The following KCNJ10 variants were observed in gnomAD, a reference collection of about 807,000 sequenced individuals.
The protein encoded by KCNJ10 is ATP-sensitive inward rectifier potassium channel 10.
In KCNJ10, 9 loss-of-function variants were observed where a neutral mutation model predicts 22.2. The ratio of observed to expected loss-of-function variants is 0.40; its 90% CI spans 0.24 to 0.71. KCNJ10 has a LOEUF of 0.71. Ranked by LOEUF, KCNJ10 falls within the 30% of genes least tolerant of loss-of-function variation. The pLI is 0.35. For missense variants in KCNJ10, 337 were observed against 482.7 expected, an observed-to-expected ratio of 0.70 and a Z score of 2.83; for synonymous variants, 184 against 187.3, an observed-to-expected ratio of 0.98 and a Z score of 0.15.
In KCNJ10 at chr1:160,041,012, CA is replaced by C; in HGVS notation, c.*380del. 2.9e-6 allele frequency: 1 copy of C among 341,514 alleles called. No homozygotes were observed. Among genetic ancestry groups the C allele is most frequent in the South Asian group, 4.2e-5 (1 of 23,790 alleles). The allele number at this position is 341,514 out of a possible 1,614,324, so 21.2% of individuals were successfully genotyped here. A position where few individuals can be genotyped will look rare whatever the true frequency, so the allele number is the denominator to read the frequency against. ...GATGGAAAGGTAACAGAGGGAGCTC[CA>C]GCCTCAAGTCACCAAACTTCATGGT... On this transcript the variant is annotated 3_prime_UTR_variant, in exon 2 of 2. Transcript: ENST00000644903. The surrounding 1 kb of genome is among the most constrained non-coding windows in gnomAD (Gnocchi z 4.4).
intron 1 of KCNJ10, among the ~76,000 whole-genome samples, chr1:160,049,644 C>T (rs1648828313): frequency 8.1e-6 from 1 of 123,506 alleles, no homozygotes; most frequent in Admixed American, 9.9e-5. Context: ...CAAATAAGGT[C>T]ATTGAAAGAA....
Position 160,041,766 on chromosome 1 carries a change from T to C in KCNJ10, c.767A>G (p.Tyr256Cys), listed in dbSNP as rs915217510. ...SPFLILPLTFYHVVDETSPLK... is the reference protein window; with the variant it reads ...SPFLILPLTFCHVVDETSPLK... ...GGGACTGGTCTCATCTACCACATGA[T>C]AGAAGGTAAGGGGTAGAATAAGGAA... The change falls in exon 2 of 2, where the codon TAT (tyrosine) becomes TGT (cysteine). Residue 256 changes from tyrosine to cysteine, a missense_variant. Coordinates refer to ENST00000644903, the MANE Select transcript of KCNJ10 (RefSeq NM_002241.5). The surrounding 1 kb of genome is among the most constrained non-coding windows in gnomAD (Gnocchi z 4.4). 6.8e-6 allele frequency: 11 copies of C among 1,613,958 alleles called. No homozygotes were observed. Among genetic ancestry groups the C allele is most frequent in the Non-Finnish European group, 8.5e-6 (10 of 1,179,996 alleles).
chr1:160,041,593 C>T lies in KCNJ10; in HGVS notation c.940G>A (p.Ala314Thr), dbSNP rs1332028814. 1.2e-5 allele frequency: 19 copies of T among 1,614,194 alleles called. No individual in the cohort carries two copies. Among genetic ancestry groups the T allele is most frequent in the Non-Finnish European group, 1.6e-5 (19 of 1,180,030 alleles). ...EILWGYEFTPAISLSASGKYI... is the reference protein window; with the variant it reads ...EILWGYEFTPTISLSASGKYI... ...TTACCACTGGCTGACAGTGAGATGG[C>T]AGGTGTGAACTCGTAGCCCCAAAGG... Residue 314 changes from alanine (A) to threonine (T), a missense_variant, in exon 2 of 2, where the codon GCC becomes ACC. Around this residue, in one of 3 missense-constraint regions of KCNJ10, gnomAD observed 165 missense variants for 281.5 expected, o/e 0.59. Transcript: ENST00000644903. The surrounding 1 kb of genome is among the most constrained non-coding windows in gnomAD (Gnocchi z 4.4).
rs1240138840 is a variant in KCNJ10, at chr1:160,041,540, G to A, written c.993C>T (p.Asp331=). The change falls in exon 2 of 2, where the codon GAC becomes GAT. Residue 331 remains aspartate, a synonymous_variant. Coordinates refer to ENST00000644903, the MANE Select transcript of KCNJ10 (RefSeq NM_002241.5). This position sits in a 1 kb window ranked among gnomAD's most constrained non-coding sequence, Gnocchi z 4.4. ...TAGGAGAGGCCACTTTCACAACTTG[G>A]TCAAAAAGGCTAAAGTCAGCTATGT... ...GKYIADFSLF[D]QVVKVASPSG... 7.4e-6 allele frequency: 12 copies of A among 1,614,128 alleles called. No homozygotes were observed. Among genetic ancestry groups the A allele is most frequent in the Non-Finnish European group, 8.5e-6 (10 of 1,180,026 alleles).
chr1:160,050,571 A>G (rs1229650725), intron 1 of KCNJ10, among the ~76,000 whole-genome samples: 6 of 152,210 alleles, frequency 3.9e-5, no homozygotes, highest in Admixed American at 2.0e-4. Flanking sequence ...TAAAACAGGC[A>G]GGAAGTGATA....
rs1648590548 is a variant in KCNJ10, at chr1:160,041,208, G to A, written c.*185C>T. The A allele has an allele frequency of 1.6e-6, 1 of 634,098 alleles. No homozygotes were observed. The highest frequency in any genetic ancestry group is 2.8e-6 in the Non-Finnish European group (1 of 354,900). The allele number at this position is 634,098 out of a possible 1,614,324, so 39.3% of individuals were successfully genotyped here. A position where few individuals can be genotyped will look rare whatever the true frequency, so the allele number is the denominator to read the frequency against. Reference sequence around the variant, plus strand: ...GGGGCAGAAGCTGGGGAAGTGGAAAGGGGACAGTGGGAGGCGAACCTGGAC... The same window carrying A: ...GGGGCAGAAGCTGGGGAAGTGGAAAAGGGACAGTGGGAGGCGAACCTGGAC... On this transcript the variant is annotated 3_prime_UTR_variant, in exon 2 of 2. Coordinates refer to ENST00000644903, the MANE Select transcript of KCNJ10 (RefSeq NM_002241.5). This position sits in a 1 kb window ranked among gnomAD's most constrained non-coding sequence, Gnocchi z 4.4.
At chr1:160,048,432 G>A (rs902985084) in intron 1 of KCNJ10, among the ~76,000 whole-genome samples, 6 of 152,240 alleles carry the variant, frequency 3.9e-5, no homozygotes, top group African/African-American at 1.4e-4. Context: ...GAGAGAATGA[G>A]CTTTGTAAAT....
intron 1 of KCNJ10, among the ~76,000 whole-genome samples, chr1:160,050,477 T>G (rs1276708971): frequency 6.6e-6 from 1 of 152,116 alleles, no homozygotes; most frequent in Non-Finnish European, 1.5e-5. Context: ...TGCCAAATTC[T>G]AAACAAGACA....
intron 1 of KCNJ10, among the ~76,000 whole-genome samples, chr1:160,058,271 G>A (rs964308149): frequency 6.6e-6 from 1 of 152,166 alleles, no homozygotes; most frequent in Non-Finnish European, 1.5e-5. Context: ...TGGGGGCACT[G>A]AGTCAGTTTC....
At position 160,039,257 on chromosome 1, in the gene KCNJ10, G is replaced by C. The variant is rs1201872224; in HGVS notation, c.*2136C>G. ...GTTTTCTTCTCACTGTTTCATCCAA[G>C]AGTCTAGAGGCTTGAGTCTGGGGGC... On this transcript the variant is annotated 3_prime_UTR_variant, in exon 2 of 2. Transcript: ENST00000644903. 1 of 152,548 alleles carries C rather than the reference G, an allele frequency of 6.6e-6. No homozygotes were observed. Among genetic ancestry groups the C allele is most frequent in the Non-Finnish European group, 1.5e-5 (1 of 68,044 alleles). 9.4% of individuals were successfully genotyped at this position (152,548 alleles called of 1,614,324 possible). A position where few individuals can be genotyped will look rare whatever the true frequency, so the allele number is the denominator to read the frequency against.
intron 1 of KCNJ10, among the ~76,000 whole-genome samples, chr1:160,069,038 G>A (rs567475592): frequency 6.6e-6 from 1 of 152,294 alleles, no homozygotes; most frequent in South Asian, 2.1e-4. Flanking sequence ...ATTTGTATTG[G>A]TAAGCAACAG....
Position 160,041,620 on chromosome 1 carries a change from T to C in KCNJ10, c.913A>G (p.Ile305Val). The C allele has an allele frequency of 6.2e-7, 1 of 1,613,970 alleles. No individual in the cohort carries two copies. The highest frequency in any genetic ancestry group is 8.5e-7 in the Non-Finnish European group (1 of 1,179,918). ...GGTGTGAACTCGTAGCCCCAAAGGA[T>C]CTCCTCTGGCAGGTAGGAAGTGCGC... is the stretch of plus-strand genomic sequence containing the variant. ...QVRTSYLPEE[I>V]LWGYEFTPAI... is the part of the protein sequence containing the mutation. The change falls in exon 2 of 2, where the codon ATC becomes GTC. Residue 305 changes from isoleucine (I) to valine (V), a missense_variant. Around this residue, in one of 3 missense-constraint regions of KCNJ10, gnomAD observed 165 missense variants for 281.5 expected, o/e 0.59. Coordinates refer to ENST00000644903, the MANE Select transcript of KCNJ10 (RefSeq NM_002241.5). The surrounding 1 kb of genome is among the most constrained non-coding windows in gnomAD (Gnocchi z 4.4).
intron 1 of KCNJ10, among the ~76,000 whole-genome samples, chr1:160,068,434 C>T (rs982771564): frequency 6.6e-6 from 1 of 152,116 alleles, no homozygotes; most frequent in Non-Finnish European, 1.5e-5. Context: ...GGAGGCTGGA[C>T]CAGCCCAGAT....
intron 1 of KCNJ10, among the ~76,000 whole-genome samples, chr1:160,051,852 T>C (rs1648912327): frequency 6.6e-6 from 1 of 152,052 alleles, no homozygotes; most frequent in African/African-American, 2.4e-5. Context: ...ATCCTGGCTG[T>C]CACTAAAATG....
intron 1 of KCNJ10, chr1:160,044,749 C>T (rs1648700804): frequency 6.6e-6 from 1 of 152,224 alleles, no homozygotes; most frequent in Non-Finnish European, 1.5e-5. Context: ...AGTGTGGTGG[C>T]TCATACCTGT....
At position 160,042,495 on chromosome 1, in the gene KCNJ10, G is replaced by A. The variant is rs1648635350; in HGVS notation, c.38C>T (p.Thr13Ile). ...CATTAGGGGCCGGCTTTCTGTCTGA[G>A]TGGTCTGACTGTAATACACCTTGGC... is the stretch of plus-strand genomic sequence containing the variant. Reference protein sequence around the residue: ...SVAKVYYSQTTQTESRPLMGP... With the variant: ...SVAKVYYSQTIQTESRPLMGP... The change falls in exon 2 of 2, where the codon ACT becomes ATT. Residue 13 changes from threonine to isoleucine, a missense_variant. Transcript: ENST00000644903. The A allele has an allele frequency of 6.2e-7, 1 of 1,614,186 alleles. No individual in the cohort carries two copies. Among genetic ancestry groups the A allele is most frequent in the East Asian group, 2.2e-5 (1 of 44,888 alleles).
chr1:160,061,257 A>C (rs1371871540), intron 1 of KCNJ10, among the ~76,000 whole-genome samples: 1 of 152,218 alleles, frequency 6.6e-6, no homozygotes, highest in Non-Finnish European at 1.5e-5. Flanking sequence ...TTCTAGTCCC[A>C]GACTTGCCAC....
chr1:160,041,849 G>T lies in KCNJ10; in HGVS notation c.684C>A (p.Asn228Lys). ...TCACATTGACCTGGTTGAGCCGGAT[G>T]TTCTCCCCTTCCTTGGTTTGGTGGG... is the stretch of plus-strand genomic sequence containing the variant. ...LQTHQTKEGE[N>K]IRLNQVNVTF... is the part of the protein sequence containing the mutation. Residue 228 changes from asparagine (N) to lysine (K), a missense_variant, in exon 2 of 2, where the codon AAC becomes AAA. By Grantham distance (94) the Asn-to-Lys change is moderately conservative (BLOSUM62 0). Transcript: ENST00000644903. The surrounding 1 kb of genome is among the most constrained non-coding windows in gnomAD (Gnocchi z 4.4). 2 of 1,614,218 alleles carry T rather than the reference G, an allele frequency of 1.2e-6. No homozygotes were observed. The highest frequency in any genetic ancestry group is 2.2e-5 in the South Asian group (2 of 91,086).
intron 1 of KCNJ10, among the ~76,000 whole-genome samples, chr1:160,052,001 A>T (rs1266687994): frequency 6.6e-6 from 1 of 152,030 alleles, no homozygotes; most frequent in African/African-American, 2.4e-5. Context: ...TATCCATCTA[A>T]TCATAACTCT....
Sources: allele counts gnomAD v4.1 joint callset (sites outside exome capture counted in the v4.1 genomes callset), GRCh38; gene constraint gnomAD v4.1.1; regional missense constraint gnomAD v4.1.1; non-coding constraint Gnocchi (gnomAD v3.1); transcripts MANE v1.5; gene names NCBI Gene and HGNC (gene_info 2026-07-23, HGNC 2026-07-21).